PDE4B: variants seen among roughly 807,000 people sequenced by gnomAD.
PDE4B encodes 3',5'-cyclic-AMP phosphodiesterase 4B.
A neutral mutation model predicts 82.2 loss-of-function variants in PDE4B; 20 were observed. The observed-to-expected ratio is 0.24, with a 90% CI of 0.17 to 0.35. The LOEUF (loss-of-function observed/expected upper bound fraction) is 0.35. Among genes scored for constraint, PDE4B ranks in the 10% least tolerant of loss-of-function variants. The pLI is 1.00. For synonymous variants in PDE4B, 320 were observed against 318.9 expected (o/e 1.00, Z -0.04); for missense variants, 655 against 907.2 (o/e 0.72, Z 3.57).
chr1:66,135,046 G>A (rs1238384446), intron 3 of PDE4B, among the ~76,000 whole-genome samples: 1 of 152,190 alleles, frequency 6.6e-6, no homozygotes. Flanking sequence ...GAATTTGGTG[G>A]TATGAGGTAG....
chr1:65,793,049 C>T lies in PDE4B; in HGVS notation c.-270C>T, dbSNP rs1014435603. The T allele has an allele frequency of 6.6e-6, 1 of 151,890 alleles. No individual in the cohort carries two copies. Among genetic ancestry groups the T allele is most frequent in the African/African-American group, 2.4e-5 (1 of 41,388 alleles). The allele number at this position is 151,890 out of a possible 1,614,324, so 9.4% of individuals were successfully genotyped here. A position where few individuals can be genotyped will look rare whatever the true frequency, so the allele number is the denominator to read the frequency against. Reference sequence around the variant, plus strand: ...GGCCTCGCCTCAGCGGCTGCAGGCTCTTCGTCGCGGGCCGGGCTGCACGCG... The same window carrying T: ...GGCCTCGCCTCAGCGGCTGCAGGCTTTTCGTCGCGGGCCGGGCTGCACGCG... On this transcript the variant is annotated 5_prime_UTR_variant, in exon 1 of 17. Coordinates refer to ENST00000341517, the MANE Select transcript of PDE4B (RefSeq NM_002600.4).
At chr1:66,118,788 G>C (rs1046434179) in intron 3 of PDE4B, among the ~76,000 whole-genome samples, 1 of 151,920 alleles carries the variant, frequency 6.6e-6, no homozygotes, top group Non-Finnish European at 1.5e-5. Context: ...AATTGAGTAA[G>C]TACAGTCCTT....
chr1:66,055,468 A>C (rs1411981756), intron 3 of PDE4B, among the ~76,000 whole-genome samples: 1 of 152,246 alleles, frequency 6.6e-6, no homozygotes, highest in Non-Finnish European at 1.5e-5. Context: ...TCTTACCTAA[A>C]AAGTTGTTAT....
intron 3 of PDE4B, among the ~76,000 whole-genome samples, chr1:66,090,738 T>TATACATATATATGTATGTATAC (rs1261578993): frequency 0.017 from 563 of 32,692 alleles, 2 homozygotes; most frequent in African/African-American, 0.087. Context: ...TGTATGTATA[T>TATACATATATATGTATGTATAC]ATACATATAT....
At chr1:65,952,538 C>T (rs543843669) in intron 3 of PDE4B, among the ~76,000 whole-genome samples, 2 of 151,978 alleles carry the variant, frequency 1.3e-5, no homozygotes, top group African/African-American at 4.8e-5. Flanking sequence ...CAAAAATTAG[C>T]CAGGCATGGT....
intron 3 of PDE4B, among the ~76,000 whole-genome samples, chr1:66,187,780 A>G (rs929487628): frequency 8.6e-5 from 13 of 151,652 alleles, no homozygotes; most frequent in Non-Finnish European, 1.6e-4. Flanking sequence ...CTTTCAAAAA[A>G]CCAGCTCCTG....
intron 3 of PDE4B, chr1:66,152,620 T>TGTGTGTGTGTGTATACACATATATAAATA (rs1557597042): frequency 1.8e-5 from 2 of 113,472 alleles, no homozygotes; most frequent in Non-Finnish European, 3.4e-5. Context: ...ATATATATAT[T>TGTGTGTGTGTGTATACACATATATAAATA]TATATATGTG....
chr1:66,005,156 A>AT (rs1226970901), intron 3 of PDE4B, among the ~76,000 whole-genome samples: 1 of 152,116 alleles, frequency 6.6e-6, no homozygotes, highest in Admixed American at 6.6e-5. Flanking sequence ...ATCAAATACC[A>AT]TACACATTGC....
At chr1:66,323,848 A>T (rs1385507061) in intron 7 of PDE4B, among the ~76,000 whole-genome samples, 2 of 152,182 alleles carry the variant, frequency 1.3e-5, no homozygotes, top group Non-Finnish European at 2.9e-5. Context: ...TCACTGCTCT[A>T]TATCCTTCAT....
intron 16 of PDE4B, 88 bp from the exon 17 acceptor site, chr1:66,372,225 T>A (rs1459477945): frequency 7.5e-7 from 1 of 1,325,916 alleles, no homozygotes; most frequent in East Asian, 2.3e-5. Context: ...AAGTTATTAA[T>A]GTTCTTTCTT....
Position 65,823,821 on chromosome 1 carries a change from T to C in PDE4B, c.-71+30573T>C, listed in dbSNP as rs141721003. Among the ~76,000 whole-genome samples, 204 of 152,342 alleles carry C rather than the reference T, an allele frequency of 1.3e-3. 1 individual carries two copies. In the East Asian group the frequency reaches 0.029, roughly 22 times the overall value. ...CTGCAGATTCTAATATCTTGTTATG[T>C]CAATATGAACACTATAGTTTCTTCC... On this transcript the variant is annotated intron_variant, in intron 1 of 16. Coordinates refer to ENST00000341517, the MANE Select transcript of PDE4B (RefSeq NM_002600.4).
chr1:65,808,440 G>GATTACAGGC lies in PDE4B; in HGVS notation c.-71+15195_-71+15203dup, dbSNP rs565274430. ...CTGCCTCAGCTTCCCAAAGTGCTGA[G>GATTACAGGC]ATTACAGGCATGAGCCATTATCCTC... On this transcript the variant is annotated intron_variant, in intron 1 of 16. Coordinates refer to ENST00000341517, the MANE Select transcript of PDE4B (RefSeq NM_002600.4). Among the ~76,000 whole-genome samples the GATTACAGGC allele has an allele frequency of 8.3e-4, 126 of 152,322 alleles. 1 individual carries two copies. The highest frequency in any genetic ancestry group is 3.0e-3 in the African/African-American group (124 of 41,568).
chr1:66,102,630 A>G (rs537428211), intron 3 of PDE4B, among the ~76,000 whole-genome samples: 1 of 152,220 alleles, frequency 6.6e-6, no homozygotes, highest in African/African-American at 2.4e-5. Context: ...CTTTTTCTAT[A>G]TTAGACTTTC....
chr1:65,803,062 A>G (rs1274698128), intron 1 of PDE4B, among the ~76,000 whole-genome samples: 1 of 152,166 alleles, frequency 6.6e-6, no homozygotes, highest in Non-Finnish European at 1.5e-5. Flanking sequence ...GAGCAAATAT[A>G]TTTTTTAAAA....
At chr1:66,337,750 G>T (rs7533686) in intron 8 of PDE4B, among the ~76,000 whole-genome samples, 7 of 152,138 alleles carry the variant, frequency 4.6e-5, no homozygotes. Context: ...AGGTGACCCT[G>T]GATTAGAGGG....
intron 1 of PDE4B, among the ~76,000 whole-genome samples, chr1:65,817,625 G>T (rs1304425347): frequency 6.6e-6 from 1 of 152,112 alleles, no homozygotes; most frequent in Non-Finnish European, 1.5e-5. Flanking sequence ...GTTTTTATAG[G>T]ATTGTGTATG....
intron 3 of PDE4B, among the ~76,000 whole-genome samples, chr1:66,085,841 A>T (rs1656975504): frequency 6.6e-6 from 1 of 152,080 alleles, no homozygotes; most frequent in African/African-American, 2.4e-5. Context: ...TTGTCAAAAA[A>T]TAGATGTTTT....
chr1:65,885,550 C>T (rs184209515), intron 1 of PDE4B, among the ~76,000 whole-genome samples: 23 of 152,152 alleles, frequency 1.5e-4, no homozygotes, highest in Admixed American at 5.2e-4. Context: ...GATGAGTTCA[C>T]GTCCTTTGTA....
chr1:65,835,465 C>A (rs188864046), intron 1 of PDE4B, among the ~76,000 whole-genome samples: 1 of 152,086 alleles, frequency 6.6e-6, no homozygotes, highest in African/African-American at 2.4e-5. Flanking sequence ...TTTCAAAATA[C>A]GATATCGGCA....
Sources: gnomAD v4.1 joint callset for allele counts (sites outside exome capture counted in the v4.1 genomes callset) on GRCh38, gnomAD v4.1.1 for gene constraint, MANE v1.5 for transcripts, NCBI Gene and HGNC (gene_info 2026-07-23, HGNC 2026-07-21) for gene names.